Variants in PPP2R2B observed in about 807,000 individuals in gnomAD.
PPP2R2B encodes the protein protein phosphatase 2 regulatory subunit Bbeta, also known as serine/threonine-protein phosphatase 2A 55 kDa regulatory subunit B beta isoform.
PPP2R2B carries 5 observed loss-of-function variants against 46.0 expected under a neutral mutation model. The observed-to-expected ratio is 0.11, with a 90% CI of 0.06 to 0.23. The LOEUF is 0.23. Ranked by LOEUF, PPP2R2B falls within the 10% of genes least tolerant of loss-of-function variation. PPP2R2B has a pLI of 1.00. For missense variants in PPP2R2B, 367 were observed against 575.0 expected (o/e 0.64, Z 3.70); for synonymous variants, 215 against 206.7 (o/e 1.04, Z -0.34).
intron 2 of PPP2R2B, among the ~76,000 whole-genome samples, chr5:146,877,238 A>T (rs986377514): frequency 2.0e-5 from 3 of 152,198 alleles, no homozygotes; most frequent in African/African-American, 7.2e-5. Flanking sequence ...CTTATGTCAG[A>T]ACAAGCTGGG....
intron 2 of PPP2R2B, among the ~76,000 whole-genome samples, chr5:146,727,366 G>A (rs537115926): frequency 6.6e-6 from 1 of 151,370 alleles, no homozygotes; most frequent in Non-Finnish European, 1.5e-5. Context: ...ATATTTATGG[G>A]GTACAATGTG....
At chr5:146,673,672 T>G (rs1468347172) in intron 5 of PPP2R2B, among the ~76,000 whole-genome samples, 1 of 152,158 alleles carries the variant, frequency 6.6e-6, no homozygotes, top group Non-Finnish European at 1.5e-5. Context: ...CAGACAACTG[T>G]ACCTGCCATC....
rs1276618139 is a variant in PPP2R2B at position 146,698,072 on chromosome 5, C to T, written c.241G>A (p.Asp81Asn). The T allele has an allele frequency of 1.2e-6, 2 of 1,612,672 alleles. No homozygotes were observed. The highest frequency in any genetic ancestry group is 1.7e-5 in the Admixed American group (1 of 59,870). Residue 81 changes from aspartate to asparagine, a missense_variant, in exon 4 of 10, where the codon GAT becomes AAT. Coordinates refer to ENST00000394411, the MANE Select transcript of PPP2R2B (RefSeq NM_181675.4). ...STFQSHEPEF[D>N]YLKSLEIEEK... The stretch of plus-strand genomic sequence containing the variant: ...TCTATTTCTAAACTCTTCAGGTAAT[C>T]GAACTCGGGTTCATGGCTCTGGAAT...
chr5:147,047,162 G>T (rs569474302), intron 1 of PPP2R2B, among the ~76,000 whole-genome samples: 25 of 152,176 alleles, frequency 1.6e-4, no homozygotes, highest in African/African-American at 5.5e-4. Flanking sequence ...CAAGCATAGA[G>T]AGGGATAGGG....
chr5:146,874,087 G>A (rs975181223), intron 2 of PPP2R2B, among the ~76,000 whole-genome samples: 6 of 152,270 alleles, frequency 3.9e-5, no homozygotes, highest in East Asian at 1.9e-4. Flanking sequence ...TTGAACTCCC[G>A]ATCTAAATTA....
chr5:146,755,684 T>C (rs1272659376), intron 2 of PPP2R2B, among the ~76,000 whole-genome samples: 2 of 152,230 alleles, frequency 1.3e-5, no homozygotes, highest in African/African-American at 4.8e-5. Context: ...TGGTTTAAAA[T>C]CAAAGAGGTT....
intron 1 of PPP2R2B, among the ~76,000 whole-genome samples, chr5:146,991,432 G>A (rs2151861931): frequency 6.6e-6 from 1 of 152,220 alleles, no homozygotes; most frequent in Admixed American, 6.5e-5. Flanking sequence ...TGGGAGGCGG[G>A]AGAGGAGAAC....
chr5:146,885,765 C>G (rs1762301439), intron 1 of PPP2R2B, among the ~76,000 whole-genome samples: 2 of 152,064 alleles, frequency 1.3e-5, no homozygotes, highest in Admixed American at 6.6e-5. Flanking sequence ...TGTTATATGT[C>G]CATACAATAG....
chr5:146,827,211 T>G (rs1758636239), intron 2 of PPP2R2B, among the ~76,000 whole-genome samples: 1 of 152,158 alleles, frequency 6.6e-6, no homozygotes, highest in South Asian at 2.1e-4. Context: ...TGCCAGGGAA[T>G]TAGGAGAAAT....
chr5:147,054,931 G>T (rs1363633278), intron 1 of PPP2R2B, among the ~76,000 whole-genome samples: 2 of 152,154 alleles, frequency 1.3e-5, no homozygotes, highest in Non-Finnish European at 2.9e-5. Context: ...ATAGAAATGT[G>T]GAATTCTGCA....
At chr5:146,734,312 CT>C (rs1752413118) in intron 2 of PPP2R2B, among the ~76,000 whole-genome samples, 1 of 152,120 alleles carries the variant, frequency 6.6e-6, no homozygotes, top group Non-Finnish European at 1.5e-5. Context: ...CTGCCTTGGC[CT>C]CCCAATCTGC....
In PPP2R2B at chr5:146,878,059, T is replaced by C. The variant is rs1762004488; in HGVS notation, c.13A>G (p.Ile5Val). ...CTGTTGTTGATTTTGCGGGTATCAA[T>C]GTCCTCCTCCATTGACAGCAGGCTT... The part of the protein sequence containing the change: MEED[I>V]DTRKINNSFL... The change falls in exon 2 of 10, where the codon ATT (isoleucine) becomes GTT (valine). Residue 5 changes from isoleucine (I) to valine (V), a missense_variant. Coordinates refer to ENST00000394411, the MANE Select transcript of PPP2R2B (RefSeq NM_181675.4). This position sits in a 1 kb window ranked among gnomAD's most constrained non-coding sequence, Gnocchi z 4.5. The C allele has an allele frequency of 6.2e-7, 1 of 1,614,142 alleles. No homozygotes were observed.
intron 2 of PPP2R2B, among the ~76,000 whole-genome samples, chr5:146,800,957 T>C (rs1193258059): frequency 3.3e-5 from 5 of 151,810 alleles, no homozygotes; most frequent in African/African-American, 1.2e-4. Flanking sequence ...TATACACACA[T>C]GTATATATAT....
chr5:146,962,472 C>G (rs1172291835), intron 1 of PPP2R2B, among the ~76,000 whole-genome samples: 1 of 151,744 alleles, frequency 6.6e-6, no homozygotes, highest in African/African-American at 2.4e-5. Context: ...GCCTGACCAA[C>G]ATGGTGAAAC....
intron 2 of PPP2R2B, among the ~76,000 whole-genome samples, chr5:146,739,176 T>C (rs1304201613): frequency 2.2e-4 from 33 of 152,132 alleles, no homozygotes; most frequent in Admixed American, 2.2e-3. Context: ...TATACACCAC[T>C]GCACCCAAAT....
chr5:146,701,377 G>C (rs749265390), intron 2 of PPP2R2B, among the ~76,000 whole-genome samples: 1 of 152,114 alleles, frequency 6.6e-6, no homozygotes. Context: ...AGAATAAAAG[G>C]GAAAAACACA....
chr5:146,637,797 T>C (rs1037768134), intron 7 of PPP2R2B, among the ~76,000 whole-genome samples: 2 of 152,122 alleles, frequency 1.3e-5, no homozygotes, highest in Non-Finnish European at 2.9e-5. Context: ...CCTGTTAATT[T>C]TATTGCCAAG....
chr5:146,801,738 GA>G (rs974518418), intron 2 of PPP2R2B, among the ~76,000 whole-genome samples: 9 of 152,222 alleles, frequency 5.9e-5, no homozygotes, highest in African/African-American at 2.2e-4. Flanking sequence ...CTATGAGAGT[GA>G]AAGGGATGTA....
intron 1 of PPP2R2B, among the ~76,000 whole-genome samples, chr5:147,048,380 A>G (rs1420749872): frequency 2.6e-5 from 4 of 152,170 alleles, no homozygotes. Flanking sequence ...GCTCACCTGT[A>G]AAAAATGAAA....
Sources: gnomAD v4.1 joint callset for allele counts (sites outside exome capture counted in the v4.1 genomes callset) on GRCh38, gnomAD v4.1.1 for gene constraint, Gnocchi (gnomAD v3.1) non-coding constraint, MANE v1.5 for transcripts, NCBI Gene and HGNC (gene_info 2026-07-23, HGNC 2026-07-21) for gene names.